The following ZFAT variants were observed in gnomAD, a reference collection of about 807,000 sequenced individuals.
ZFAT encodes the protein zinc finger and AT-hook domain containing, also known as zinc finger protein ZFAT.
In ZFAT, 64 loss-of-function variants were observed where a neutral mutation model predicts 117.7. The ratio of observed to expected loss-of-function variants is 0.54; its 90% CI spans 0.44 to 0.67. The LOEUF (loss-of-function observed/expected upper bound fraction) is 0.67. Ranked by LOEUF, ZFAT falls within the 30% of genes least tolerant of loss-of-function variation. The pLI, the probability that ZFAT is intolerant of heterozygous loss-of-function variation, is 0.00. For synonymous variants in ZFAT, 679 were observed against 615.0 expected (o/e 1.10, Z -1.54); for missense variants, 1,433 against 1,584.5 (o/e 0.90, Z 1.62).
the ZFAT span, among the ~76,000 whole-genome samples, chr8:134,822,352 C>G: frequency 0.01 from 1,548 of 152,172 alleles, 25 homozygotes; most frequent in African/African-American, 0.034. Flanking sequence ...CTTTTCCAGT[C>G]TCCATTCCCA....
chr8:134,556,408 A>G (rs1010701068), intron 11 of ZFAT, among the ~76,000 whole-genome samples: 1 of 152,120 alleles, frequency 6.6e-6, no homozygotes, highest in African/African-American at 2.4e-5. Flanking sequence ...ATGAAGCAGA[A>G]GGAAGAAAGA....
chr8:134,529,803 C>T (rs994643846), intron 12 of ZFAT, among the ~76,000 whole-genome samples: 40 of 152,346 alleles, frequency 2.6e-4, no homozygotes, highest in Admixed American at 3.3e-4. Context: ...TTGGCAAATT[C>T]TACAAGTCAT....
At chr8:134,774,286 T>C in the ZFAT span, among the ~76,000 whole-genome samples, 114,136 of 152,120 alleles carry the variant, frequency 0.75, 43,115 homozygotes, top group African/African-American at 0.84. Context: ...CGTGAGACAC[T>C]ACGCCTGGGC....
chr8:134,832,073 G>A, the ZFAT span, among the ~76,000 whole-genome samples: 2 of 149,616 alleles, frequency 1.3e-5, no homozygotes, highest in African/African-American at 2.4e-5. Flanking sequence ...CGAGCCCGAG[G>A]CGCGCCTGGA....
the ZFAT span, among the ~76,000 whole-genome samples, chr8:134,809,140 A>G: frequency 6.6e-6 from 1 of 152,208 alleles, no homozygotes; most frequent in Admixed American, 6.5e-5. Context: ...GCATCATCAT[A>G]TACTCACACA....
chr8:134,594,978 T>C (rs938340341), intron 7 of ZFAT: 1 of 152,208 alleles, frequency 6.6e-6, no homozygotes, highest in Admixed American at 6.5e-5. Flanking sequence ...GAAGGAACTT[T>C]AAATAACAGA....
chr8:134,730,317 C>T, the ZFAT span, among the ~76,000 whole-genome samples: 14 of 152,378 alleles, frequency 9.2e-5, no homozygotes, highest in African/African-American at 3.1e-4. Flanking sequence ...GCATCAACCT[C>T]GACATCTCCC....
At chr8:134,742,517 C>T in the ZFAT span, among the ~76,000 whole-genome samples, 7 of 152,210 alleles carry the variant, frequency 4.6e-5, no homozygotes, top group African/African-American at 7.2e-5. Flanking sequence ...TTTTAAAATG[C>T]TCCAAGTCAC....
At chr8:134,734,050 G>T in the ZFAT span, among the ~76,000 whole-genome samples, 1 of 152,206 alleles carries the variant, frequency 6.6e-6, no homozygotes, top group African/African-American at 2.4e-5. Flanking sequence ...AGAGAGTGTG[G>T]TTACCCTCCT....
intron 12 of ZFAT, among the ~76,000 whole-genome samples, chr8:134,530,335 A>T (rs917131894): frequency 6.6e-6 from 1 of 152,246 alleles, no homozygotes; most frequent in Non-Finnish European, 1.5e-5. Context: ...ACTTGAAATT[A>T]ATCAAAAGAA....
chr8:134,529,517 C>T (rs1415313223), intron 12 of ZFAT, among the ~76,000 whole-genome samples: 1 of 152,168 alleles, frequency 6.6e-6, no homozygotes, highest in Admixed American at 6.5e-5. Context: ...GCATCAGATG[C>T]ACATAAAATA....
intron 11 of ZFAT, among the ~76,000 whole-genome samples, chr8:134,563,463 A>G (rs1824198237): frequency 6.6e-6 from 1 of 152,216 alleles, no homozygotes. Context: ...CAATGTCTTC[A>G]ACTACAAGAG....
chr8:134,634,865 G>T (rs1458957635), intron 3 of ZFAT, among the ~76,000 whole-genome samples: 1 of 152,178 alleles, frequency 6.6e-6, no homozygotes, highest in South Asian at 2.1e-4. Context: ...TGGCACCAGG[G>T]ACTGGTTTCA....
chr8:134,550,309 G>GC (rs1823036538), intron 11 of ZFAT, among the ~76,000 whole-genome samples: 1 of 41,376 alleles, frequency 2.4e-5, no homozygotes, highest in Non-Finnish European at 4.3e-5. Context: ...TGGTCACAAC[G>GC]GAAAAAAAAA....
In ZFAT at chr8:134,639,060, G is replaced by C. The variant is rs1025235086; in HGVS notation, c.197-1348C>G. ...CTAAAGCTGTTGCTCTGCACAGTAG[G>C]ACACCAGCCACTTTATCTACTGCTA... On this transcript the variant is annotated intron_variant, in intron 2 of 15. Transcript: ENST00000377838. Among the ~76,000 whole-genome samples, 31 of 152,272 alleles carry C rather than the reference G, an allele frequency of 2.0e-4. 1 individual carries two copies. The highest frequency in any genetic ancestry group is 6.7e-4 in the African/African-American group (28 of 41,560).
the ZFAT span, among the ~76,000 whole-genome samples, chr8:134,762,678 T>G: frequency 6.6e-6 from 1 of 152,240 alleles, no homozygotes; most frequent in South Asian, 2.1e-4. Flanking sequence ...ATGTTCAAAT[T>G]TATATCTTCA....
intron 11 of ZFAT, among the ~76,000 whole-genome samples, chr8:134,535,263 A>T (rs1821745189): frequency 6.6e-6 from 1 of 152,100 alleles, no homozygotes; most frequent in Admixed American, 6.5e-5. Context: ...CTCTCTCCTG[A>T]ACCATACACA....
intron 10 of ZFAT, among the ~76,000 whole-genome samples, chr8:134,575,917 GTC>G (rs139303086): frequency 2.2e-3 from 341 of 152,310 alleles, no homozygotes; most frequent in African/African-American, 7.9e-3. Context: ...AGTTAAAGAA[GTC>G]TCTGTACTTT....
upstream of ZFAT, among the ~76,000 whole-genome samples, chr8:134,717,422 G>A (rs1814223005): frequency 9.6e-6 from 1 of 103,812 alleles, no homozygotes; most frequent in Admixed American, 1.1e-4. Context: ...ATAAAAATAT[G>A]TTTTGTAGAG....
Sources: allele counts gnomAD v4.1 joint callset (sites outside exome capture counted in the v4.1 genomes callset), GRCh38; gene constraint gnomAD v4.1.1; transcripts MANE v1.5; gene names NCBI Gene and HGNC (gene_info 2026-07-23, HGNC 2026-07-21).